The following MMP26 variants were observed in gnomAD, a reference collection of about 807,000 sequenced individuals.
The protein encoded by MMP26 is matrix metalloproteinase-26.
Under a neutral mutation model 31.0 loss-of-function variants are expected in MMP26, and 33 were observed. The observed-to-expected ratio is 1.06, with a 90% CI of 0.81 to 1.42. The LOEUF is 1.42. MMP26 is among the 40% of genes most tolerant of loss of function. The pLI is 0.00. For synonymous variants in MMP26, 122 were observed against 114.9 expected (o/e 1.06, Z -0.40); for missense variants, 347 against 316.1 (o/e 1.10, Z -0.74).
intron 2 of MMP26, among the ~76,000 whole-genome samples, chr11:4,817,930 A>G (rs950592049): frequency 1.3e-5 from 2 of 152,144 alleles, no homozygotes; most frequent in African/African-American, 4.8e-5. Flanking sequence ...CAGGTAAGGT[A>G]TGAGAGCATG....
In MMP26 at chr11:4,778,869, T is replaced by A. The variant is rs534972911; in HGVS notation, c.-145+11528T>A. Among the ~76,000 whole-genome samples the A allele has an allele frequency of 3.9e-5, 6 of 152,162 alleles. No homozygotes were observed. The South Asian group carries it at 1.2e-3, about 32-fold the overall frequency. ...TTTTAAATAATATCATCTTAGAAAT[T>A]TATTTTTGTTATTGATTTATAGACA... On this transcript the variant is annotated intron_variant, in intron 2 of 7. Coordinates refer to ENST00000380390, the MANE Select transcript of MMP26 (RefSeq NM_021801.5).
intron 2 of MMP26, among the ~76,000 whole-genome samples, chr11:4,831,860 G>T (rs548490436): frequency 2.0e-4 from 30 of 152,250 alleles, no homozygotes; most frequent in African/African-American, 6.7e-4. Flanking sequence ...TTTCTAGCTA[G>T]AAAATTATTC....
intron 2 of MMP26, among the ~76,000 whole-genome samples, chr11:4,794,627 G>GA (rs1849080073): frequency 6.6e-6 from 1 of 152,100 alleles, no homozygotes; most frequent in African/African-American, 2.4e-5. Flanking sequence ...TTTGACCTAT[G>GA]ACCCAGGCGG....
intron 2 of MMP26, among the ~76,000 whole-genome samples, chr11:4,812,694 G>A (rs1304567127): frequency 6.6e-6 from 1 of 152,160 alleles, no homozygotes; most frequent in African/African-American, 2.4e-5. Context: ...AGTAGAGGAA[G>A]CAGTCAAATA....
At chr11:4,888,757 G>A (rs554379525) in intron 2 of MMP26, among the ~76,000 whole-genome samples, 2 of 152,248 alleles carry the variant, frequency 1.3e-5, no homozygotes, top group African/African-American at 4.8e-5. Context: ...CATTGTTAAG[G>A]AAGGTGCAAA....
intron 2 of MMP26, among the ~76,000 whole-genome samples, chr11:4,862,806 G>C (rs529043671): frequency 6.6e-6 from 1 of 152,300 alleles, no homozygotes; most frequent in South Asian, 2.1e-4. Flanking sequence ...TTGAAAGGTA[G>C]TGTAGTCCAC....
At chr11:4,872,645 G>C (rs1589925531) in intron 2 of MMP26, among the ~76,000 whole-genome samples, 1 of 152,028 alleles carries the variant, frequency 6.6e-6, no homozygotes, top group East Asian at 1.9e-4. Flanking sequence ...TCCTTTAAGA[G>C]TATAGTATGC....
intron 2 of MMP26, among the ~76,000 whole-genome samples, chr11:4,872,001 C>A (rs1434826385): frequency 2.0e-5 from 3 of 152,038 alleles, no homozygotes; most frequent in Non-Finnish European, 4.4e-5. Flanking sequence ...GATCACAGAA[C>A]CTATATTTAA....
intron 2 of MMP26, among the ~76,000 whole-genome samples, chr11:4,926,822 T>A (rs765449875): frequency 3.9e-5 from 6 of 152,224 alleles, no homozygotes; most frequent in Non-Finnish European, 8.8e-5. Context: ...AATTGCTGCA[T>A]CATCAGAGCT....
chr11:4,706,186 A>G (rs574678565), intron 1 of MMP26, among the ~76,000 whole-genome samples: 5 of 152,282 alleles, frequency 3.3e-5, no homozygotes, highest in African/African-American at 9.6e-5. Flanking sequence ...TAATTTTATT[A>G]GAGAGAAATA....
At chr11:4,964,190 C>A (rs1846559080) in intron 2 of MMP26, among the ~76,000 whole-genome samples, 1 of 152,026 alleles carries the variant, frequency 6.6e-6, no homozygotes, top group Non-Finnish European at 1.5e-5. Context: ...TTGCCCAAGC[C>A]TATGTTCTTA....
At chr11:4,848,731 A>G in intron 2 of MMP26, 2 of 1,614,020 alleles carry the variant, frequency 1.2e-6, no homozygotes, top group Non-Finnish European at 1.7e-6. Flanking sequence ...AGACCCAGGC[A>G]TCGAAAAGAA....
chr11:4,763,303 C>G (rs1465828100), intron 1 of MMP26, among the ~76,000 whole-genome samples: 1 of 152,058 alleles, frequency 6.6e-6, no homozygotes, highest in Non-Finnish European at 1.5e-5. Context: ...CAAAGGGTGG[C>G]ATCATAAAGG....
intron 2 of MMP26, among the ~76,000 whole-genome samples, chr11:4,772,542 A>G (rs1167453538): frequency 1.3e-5 from 2 of 152,160 alleles, no homozygotes; most frequent in Non-Finnish European, 2.9e-5. Flanking sequence ...CTCCTGATAT[A>G]TTAATTTGGC....
At chr11:4,910,235 C>T (rs569841332) in intron 2 of MMP26, among the ~76,000 whole-genome samples, 7 of 152,152 alleles carry the variant, frequency 4.6e-5, no homozygotes, top group South Asian at 2.1e-4. Context: ...AAGCCAGGAA[C>T]ATTGCATCTT....
intron 5 of MMP26, 43 bp downstream of exon 5, chr11:4,990,789 G>A (rs767873966): frequency 1.3e-6 from 2 of 1,593,120 alleles, no homozygotes; most frequent in African/African-American, 2.7e-5. Context: ...TATGCCCTGT[G>A]TAAAGGACAA....
chr11:4,712,855 T>C (rs989513613), intron 1 of MMP26, among the ~76,000 whole-genome samples: 1 of 152,022 alleles, frequency 6.6e-6, no homozygotes, highest in Non-Finnish European at 1.5e-5. Context: ...TTCCCTACTA[T>C]CTATGTTACA....
chr11:4,722,479 T>C (rs1199533025), intron 1 of MMP26, among the ~76,000 whole-genome samples: 1 of 140,756 alleles, frequency 7.1e-6, no homozygotes, highest in East Asian at 2.0e-4. Context: ...ACTTTTTTTT[T>C]TTTTTTTTTT....
intron 2 of MMP26, among the ~76,000 whole-genome samples, chr11:4,927,346 T>C (rs564900604): frequency 1.3e-5 from 2 of 152,226 alleles, no homozygotes; most frequent in South Asian, 2.1e-4. Context: ...GTGAGGAAGG[T>C]AGAAAAACTA....
Sources: gnomAD v4.1 joint callset for allele counts (sites outside exome capture counted in the v4.1 genomes callset) on GRCh38, gnomAD v4.1.1 for gene constraint, MANE v1.5 for transcripts, NCBI Gene and HGNC (gene_info 2026-07-23, HGNC 2026-07-21) for gene names.